Variants in NRG3 observed in about 807,000 individuals in gnomAD.
NRG3 encodes the protein neuregulin 3.
In NRG3, 31 loss-of-function variants were observed where a neutral mutation model predicts 66.9. The ratio of observed to expected loss-of-function variants is 0.46; its 90% CI spans 0.35 to 0.63. The LOEUF is 0.63. NRG3 is among the 20% of genes least tolerant of loss of function. The pLI, the probability that NRG3 is intolerant of heterozygous loss-of-function variation, is 0.00. For missense variants in NRG3, 910 were observed against 878.9 expected, an observed-to-expected ratio of 1.04 and a Z score of -0.45; for synonymous variants, 393 against 359.4, an observed-to-expected ratio of 1.09 and a Z score of -1.06.
At chr10:81,917,982 T>C (rs993781056) in intron 1 of NRG3, among the ~76,000 whole-genome samples, 3 of 152,184 alleles carry the variant, frequency 2.0e-5, no homozygotes, top group African/African-American at 7.2e-5. Flanking sequence ...GGCTTGTGCA[T>C]GAGGGAGTAA....
chr10:82,753,285 A>G (rs1365390891), intron 3 of NRG3, among the ~76,000 whole-genome samples: 2 of 151,818 alleles, frequency 1.3e-5, no homozygotes, highest in Non-Finnish European at 2.9e-5. Context: ...AAAGTTTTTT[A>G]TTTTTTCTTT....
At chr10:82,176,856 A>T (rs1243763855) in intron 1 of NRG3, among the ~76,000 whole-genome samples, 1 of 145,990 alleles carries the variant, frequency 6.8e-6, no homozygotes, top group African/African-American at 2.5e-5. Context: ...ATTTGACAAC[A>T]CAAAGCCTCG....
chr10:82,921,600 A>G (rs982819881), intron 4 of NRG3, among the ~76,000 whole-genome samples: 1 of 152,218 alleles, frequency 6.6e-6, no homozygotes. Context: ...TTCTAAAATA[A>G]AATATTTAAA....
chr10:82,669,821 A>G (rs995820346), intron 2 of NRG3, among the ~76,000 whole-genome samples: 2 of 151,760 alleles, frequency 1.3e-5, no homozygotes, highest in Non-Finnish European at 2.9e-5. Context: ...CCAGCTGCTC[A>G]GGAGGCTGAG....
At chr10:82,639,192 G>C (rs1404264977) in intron 2 of NRG3, among the ~76,000 whole-genome samples, 2 of 152,098 alleles carry the variant, frequency 1.3e-5, no homozygotes, top group Non-Finnish European at 2.9e-5. Context: ...GAAGTTTTTT[G>C]CTCACAGTTG....
At chr10:82,131,027 G>A (rs188566041) in intron 1 of NRG3, among the ~76,000 whole-genome samples, 1 of 152,218 alleles carries the variant, frequency 6.6e-6, no homozygotes, top group Admixed American at 6.5e-5. Context: ...TCTTTGCAGT[G>A]CAGATGCTTT....
chr10:82,496,878 T>G (rs1405361078), intron 2 of NRG3, among the ~76,000 whole-genome samples: 1 of 152,214 alleles, frequency 6.6e-6, no homozygotes, highest in East Asian at 1.9e-4. Context: ...TAAAAAGTGT[T>G]TTTAATACAT....
Position 82,882,010 on chromosome 10 carries a change from G to A in NRG3, c.1054+16573G>A, listed in dbSNP as rs577170010. 2.0e-5 allele frequency among the ~76,000 whole-genome samples: 3 copies of A among 152,132 alleles called. No homozygotes were observed. The South Asian group carries it at 6.2e-4, about 32-fold the overall frequency. Reference sequence around the variant, plus strand: ...TTAGTTGCATCTTGCCACACCACCTGGCTAACCTCATCTCATCTACTCATG... The same window carrying A: ...TTAGTTGCATCTTGCCACACCACCTAGCTAACCTCATCTCATCTACTCATG... On this transcript the variant is annotated intron_variant, in intron 4 of 8. Coordinates refer to ENST00000372141, the MANE Select transcript of NRG3 (RefSeq NM_001010848.4).
At chr10:82,714,895 T>C (rs2056883989) in intron 2 of NRG3, among the ~76,000 whole-genome samples, 1 of 152,224 alleles carries the variant, frequency 6.6e-6, no homozygotes, top group Admixed American at 6.5e-5. Flanking sequence ...CTATTAACTA[T>C]GTTTTATATT....
chr10:82,272,887 T>C (rs1379290461), intron 1 of NRG3, among the ~76,000 whole-genome samples: 1 of 152,094 alleles, frequency 6.6e-6, no homozygotes, highest in Admixed American at 6.6e-5. Flanking sequence ...GAAGGCTCGC[T>C]ATGGCCTTAA....
chr10:82,522,193 G>A (rs556816826), intron 2 of NRG3, among the ~76,000 whole-genome samples: 13 of 151,900 alleles, frequency 8.6e-5, no homozygotes, highest in Admixed American at 1.3e-4. Context: ...ACAGGTGCCC[G>A]CCACCACACC....
intron 1 of NRG3, among the ~76,000 whole-genome samples, chr10:82,117,610 G>A (rs2132320420): frequency 6.6e-6 from 1 of 152,118 alleles, no homozygotes; most frequent in Non-Finnish European, 1.5e-5. Flanking sequence ...CCAAGGAGAA[G>A]GAGCTTCCTG....
intron 1 of NRG3, among the ~76,000 whole-genome samples, chr10:82,026,561 A>G (rs999955130): frequency 2.0e-5 from 3 of 151,956 alleles, no homozygotes; most frequent in African/African-American, 7.2e-5. Context: ...AGTATTGACT[A>G]TTTTGGTAAT....
At chr10:82,797,521 T>TC (rs964351237) in intron 3 of NRG3, among the ~76,000 whole-genome samples, 2 of 152,124 alleles carry the variant, frequency 1.3e-5, no homozygotes, top group Admixed American at 1.3e-4. Context: ...ATGTTTTTTT[T>TC]CTGTCACTCA....
intron 3 of NRG3, among the ~76,000 whole-genome samples, chr10:82,761,682 T>C (rs890461351): frequency 1.3e-5 from 2 of 151,656 alleles, no homozygotes; most frequent in South Asian, 4.2e-4. Flanking sequence ...ATAAAATATA[T>C]AAAATTAAGA....
chr10:81,998,330 T>G (rs1047641125), intron 1 of NRG3, among the ~76,000 whole-genome samples: 1 of 152,204 alleles, frequency 6.6e-6, no homozygotes, highest in Non-Finnish European at 1.5e-5. Flanking sequence ...GACATGTTTC[T>G]CTATATGACT....
intron 2 of NRG3, among the ~76,000 whole-genome samples, chr10:82,716,022 A>G (rs1350205590): frequency 2.0e-5 from 3 of 152,134 alleles, no homozygotes; most frequent in Non-Finnish European, 4.4e-5. Context: ...TCCAAATACC[A>G]TCACACTGAA....
chr10:82,492,022 T>C (rs1416278033), intron 2 of NRG3, among the ~76,000 whole-genome samples: 1 of 152,216 alleles, frequency 6.6e-6, no homozygotes, highest in East Asian at 1.9e-4. Flanking sequence ...CTAGCCTCTC[T>C]AGAATTCCTT....
At chr10:82,205,826 A>G (rs913679074) in intron 1 of NRG3, among the ~76,000 whole-genome samples, 1 of 152,188 alleles carries the variant, frequency 6.6e-6, no homozygotes, top group Non-Finnish European at 1.5e-5. Flanking sequence ...TCTTCTTCAC[A>G]TGTACTCCTT....
Sources: gnomAD v4.1 joint callset for allele counts (sites outside exome capture counted in the v4.1 genomes callset) on GRCh38, gnomAD v4.1.1 for gene constraint, MANE v1.5 for transcripts, NCBI Gene and HGNC (gene_info 2026-07-23, HGNC 2026-07-21) for gene names.